Variants in ZMYM5 observed in about 807,000 individuals in gnomAD.
ZMYM5 encodes zinc finger MYM-type protein 5.
A neutral mutation model predicts 61.8 loss-of-function variants in ZMYM5; 41 were observed. That is an observed-to-expected ratio of 0.66 (90% CI 0.52 to 0.86). The LOEUF (loss-of-function observed/expected upper bound fraction) is 0.86, where lower values mean the gene tolerates loss of function less well. Among genes scored for constraint, ZMYM5 ranks in the 40% least tolerant of loss-of-function variants. The probability of loss-of-function intolerance (pLI) is 0.00; values close to 1 mark genes in which losing one functional copy is unlikely to be tolerated. For missense variants in ZMYM5, 706 were observed against 786.7 expected (o/e 0.90, Z 1.23); for synonymous variants, 257 against 276.4 (o/e 0.93, Z 0.70).
At chr13:19,826,533 G>A (rs948881807) in intron 7 of ZMYM5, among the ~76,000 whole-genome samples, 1 of 151,942 alleles carries the variant, frequency 6.6e-6, no homozygotes, top group African/African-American at 2.4e-5. Context: ...GAGGTGGGGG[G>A]ATCACGAGGT....
At position 19,837,357 on chromosome 13, in the gene ZMYM5, G is replaced by C. The variant is rs886258168; in HGVS notation, c.1038+299C>G. ...TTCCAGCCCTTGACCCCCAACTCTT[G>C]AGACTACATTTTTATTTAATGTCAT... On this transcript the variant is annotated intron_variant, in intron 6 of 7. Coordinates refer to ENST00000337963, the MANE Select transcript of ZMYM5 (RefSeq NM_001142684.2). 4.7e-6 allele frequency: 6 copies of C among 1,275,416 alleles called. No homozygotes were observed. In the East Asian group the frequency reaches 2.1e-4, roughly 45 times the overall value. 79.0% of individuals were successfully genotyped at this position (1,275,416 alleles called of 1,614,324 possible). A position where few individuals can be genotyped will look rare whatever the true frequency, so the allele number is the denominator to read the frequency against.
chr13:19,834,898 A>T (rs950138748), intron 7 of ZMYM5, among the ~76,000 whole-genome samples: 4 of 151,822 alleles, frequency 2.6e-5, no homozygotes, highest in African/African-American at 9.7e-5. Context: ...CATGTTGCCC[A>T]GTCTGGTTTC....
At chr13:19,852,949 G>A (rs1953368786) in intron 2 of ZMYM5, among the ~76,000 whole-genome samples, 1 of 152,142 alleles carries the variant, frequency 6.6e-6, no homozygotes, top group Admixed American at 6.6e-5. Context: ...CTGGGTTCAA[G>A]CAATCCTCCC....
intron 4 of ZMYM5, among the ~76,000 whole-genome samples, chr13:19,846,931 A>C (rs1480392160): frequency 1.3e-5 from 2 of 152,058 alleles, no homozygotes; most frequent in African/African-American, 4.8e-5. Context: ...TGACACATAA[A>C]AAAATTAAAA....
intron 7 of ZMYM5, among the ~76,000 whole-genome samples, chr13:19,829,002 C>G (rs1380225223): frequency 6.6e-6 from 1 of 152,096 alleles, no homozygotes. Context: ...CCCAGCTACT[C>G]AGGAGGCTAA....
chr13:19,851,554 ATATGTAATAAT>A, intron 3 of ZMYM5, 106 bp from the exon 4 acceptor site: 14 of 1,543,074 alleles, frequency 9.1e-6, no homozygotes, highest in Non-Finnish European at 1.2e-5. Flanking sequence ...GTGATGTTTT[ATATGTAATAAT>A]TATGTTCACA....
intron 7 of ZMYM5, 27 bp downstream of exon 7, chr13:19,835,450 C>T (rs781152039): frequency 7.5e-7 from 1 of 1,326,212 alleles, no homozygotes. Context: ...TATATTTGAT[C>T]ATTTAAAGCT....
At position 19,858,930 on chromosome 13, in the gene ZMYM5, CATCCTAGCACAGATTCTAAAA is replaced by C. The variant is rs1196390567; in HGVS notation, c.-11+3448_-11+3468del. Among the ~76,000 whole-genome samples, 9 of 152,148 alleles carry C rather than the reference CATCCTAGCACAGATTCTAAAA, an allele frequency of 5.9e-5. No individual in the cohort carries two copies. The East Asian group carries it at 1.7e-3, about 29-fold the overall frequency. On this transcript the variant is annotated intron_variant, in intron 2 of 7. Transcript: ENST00000337963. ...AAGTTGATGGTGACAGGCCTTTCCC[CATCCTAGCACAGATTCTAAAA>C]ATTTTTTCTTTGATAAGATAGAACA...
intron 4 of ZMYM5, among the ~76,000 whole-genome samples, chr13:19,848,453 A>G (rs967133772): frequency 4.0e-5 from 6 of 151,812 alleles, no homozygotes; most frequent in Non-Finnish European, 5.9e-5. Context: ...ATCCATTATT[A>G]TTATTTTTTA....
intron 4 of ZMYM5, among the ~76,000 whole-genome samples, chr13:19,840,957 C>T (rs189248383): frequency 6.7e-6 from 1 of 148,182 alleles, no homozygotes; most frequent in African/African-American, 2.5e-5. Context: ...GATTACAGGC[C>T]TGAGCCACCG....
chr13:19,843,461 C>G (rs1952958795), intron 4 of ZMYM5: 1 of 149,192 alleles, frequency 6.7e-6, no homozygotes, highest in Non-Finnish European at 1.5e-5. Flanking sequence ...GGAATTCATG[C>G]TTATATAAAC....
chr13:19,861,618 T>C (rs1376667406), intron 2 of ZMYM5, among the ~76,000 whole-genome samples: 1 of 152,196 alleles, frequency 6.6e-6, no homozygotes, highest in Non-Finnish European at 1.5e-5. Flanking sequence ...AGTTTGTTTT[T>C]GATGAGCAAT....
In ZMYM5 at chr13:19,835,575, C is replaced by A. The variant is rs750197198; in HGVS notation, c.1153G>T (p.Glu385Ter). ...CCAGTACTCTTACTAGGCATGTACT[C>A]TCCACAGTGTTCACAGCAGTTCATT... Reference protein sequence around the residue: ...LIMNCCEHCGEYMPSKSTGNN... With the variant: ...LIMNCCEHCG The change falls in exon 7 of 8, where the codon GAG (glutamate) becomes TAG (stop). Residue 385 changes from glutamate (E) to a stop codon, truncating the protein, a stop_gained. Transcript: ENST00000337963. LOFTEE classifies it high-confidence loss of function. The A allele has an allele frequency of 4.4e-6, 6 of 1,367,706 alleles. No homozygotes were observed. The South Asian group carries it at 6.8e-5, about 16-fold the overall frequency. The allele number at this position is 1,367,706 out of a possible 1,614,324, so 84.7% of individuals were successfully genotyped here. A position where few individuals can be genotyped will look rare whatever the true frequency, so the allele number is the denominator to read the frequency against.
chr13:19,837,374 T>A, intron 6 of ZMYM5: 1 of 1,363,450 alleles, frequency 7.3e-7, no homozygotes, highest in Non-Finnish European at 9.5e-7. Context: ...CATTTTTATT[T>A]AATGTCATCA....
At chr13:19,849,983 A>C (rs1953226987) in intron 4 of ZMYM5, among the ~76,000 whole-genome samples, 1 of 151,990 alleles carries the variant, frequency 6.6e-6, no homozygotes, top group African/African-American at 2.4e-5. Context: ...TCTCAAAAAA[A>C]AAAAAGGGAA....
At chr13:19,847,803 ATTTTTT>A (rs34176871) in intron 4 of ZMYM5, among the ~76,000 whole-genome samples, 48 of 79,890 alleles carry the variant, frequency 6.0e-4, no homozygotes, top group South Asian at 3.5e-3. Context: ...TGCCCGGCTA[ATTTTTT>A]TTTTTTTTTT....
At chr13:19,831,799 A>AC (rs1338266467) in intron 7 of ZMYM5, among the ~76,000 whole-genome samples, 21 of 150,354 alleles carry the variant, frequency 1.4e-4, no homozygotes, top group Middle Eastern at 3.2e-3. Flanking sequence ...AAAAAAAAAA[A>AC]AAAAAAAAAA....
At chr13:19,846,492 G>A (rs1383960851) in intron 4 of ZMYM5, among the ~76,000 whole-genome samples, 1 of 151,800 alleles carries the variant, frequency 6.6e-6, no homozygotes, top group Non-Finnish European at 1.5e-5. Flanking sequence ...TGAAAAATCA[G>A]AATTTTTGAA....
At chr13:19,860,892 G>C (rs575940220) in intron 2 of ZMYM5, among the ~76,000 whole-genome samples, 2 of 151,414 alleles carry the variant, frequency 1.3e-5, no homozygotes, top group African/African-American at 2.4e-5. Context: ...GGTGGGGGGG[G>C]GGGAATTGTA....
Sources: allele counts gnomAD v4.1 joint callset (sites outside exome capture counted in the v4.1 genomes callset), GRCh38; gene constraint gnomAD v4.1.1; transcripts MANE v1.5; gene names NCBI Gene and HGNC (gene_info 2026-07-23, HGNC 2026-07-21).